The following LRBA variants were observed in gnomAD, a reference collection of about 807,000 sequenced individuals.
LRBA encodes lipopolysaccharide-responsive and beige-like anchor protein.
In LRBA, 176 loss-of-function variants were observed where a neutral mutation model predicts 330.0. The ratio of observed to expected loss-of-function variants is 0.53; its 90% CI spans 0.47 to 0.60. The LOEUF is 0.60. Ranked by LOEUF, LRBA falls within the 20% of genes least tolerant of loss-of-function variation. The pLI is 0.00. For missense variants in LRBA, 3,259 were observed against 3,444.8 expected (o/e 0.95, Z 1.35); for synonymous variants, 1,230 against 1,193.0 (o/e 1.03, Z -0.64).
intron 22 of LRBA, among the ~76,000 whole-genome samples, chr4:150,862,187 C>T (rs1434240859): frequency 6.6e-6 from 1 of 152,132 alleles, no homozygotes; most frequent in East Asian, 1.9e-4. Flanking sequence ...TGGGTATATA[C>T]CCAAAGGATT....
chr4:150,729,118 A>T (rs1439921920), intron 36 of LRBA, among the ~76,000 whole-genome samples: 1 of 152,124 alleles, frequency 6.6e-6, no homozygotes, highest in African/African-American at 2.4e-5. Flanking sequence ...CAGGAGTTCG[A>T]GACCAGCTGG....
intron 36 of LRBA, among the ~76,000 whole-genome samples, chr4:150,734,127 T>C (rs1582183859): frequency 6.6e-6 from 1 of 152,242 alleles, no homozygotes; most frequent in African/African-American, 2.4e-5. Flanking sequence ...TTGTATTGTT[T>C]TCTTATATAA....
chr4:150,676,363 C>T (rs898502429), intron 37 of LRBA, among the ~76,000 whole-genome samples: 3 of 152,092 alleles, frequency 2.0e-5, no homozygotes, highest in African/African-American at 4.8e-5. Context: ...TCTATTTCCC[C>T]TATTAGAGAA....
At chr4:150,483,407 GT>G (rs572189580) in intron 42 of LRBA, among the ~76,000 whole-genome samples, 2 of 149,230 alleles carry the variant, frequency 1.3e-5, no homozygotes, top group South Asian at 2.1e-4. Flanking sequence ...TAAGTCTTTT[GT>G]TTTTTTTTCT....
At chr4:150,638,274 G>C (rs564306962) in intron 37 of LRBA, among the ~76,000 whole-genome samples, 1 of 152,074 alleles carries the variant, frequency 6.6e-6, no homozygotes, top group East Asian at 1.9e-4. Context: ...TGATCCACCC[G>C]CCTCAGCCTA....
intron 36 of LRBA, among the ~76,000 whole-genome samples, chr4:150,702,072 A>T (rs1785176225): frequency 6.6e-6 from 1 of 152,214 alleles, no homozygotes; most frequent in Non-Finnish European, 1.5e-5. Context: ...AGAAGAAAAG[A>T]CAAACAGGAA....
chr4:150,438,367 C>T (rs192945029), intron 44 of LRBA, among the ~76,000 whole-genome samples: 1 of 152,050 alleles, frequency 6.6e-6, no homozygotes, highest in Non-Finnish European at 1.5e-5. Flanking sequence ...CCTGTAATCC[C>T]AGCTACTCGG....
intron 42 of LRBA, among the ~76,000 whole-genome samples, chr4:150,477,768 C>T (rs1298939372): frequency 6.6e-6 from 1 of 151,866 alleles, no homozygotes; most frequent in African/African-American, 2.4e-5. Flanking sequence ...CCCCCCTCCC[C>T]GCTTCTTCCT....
At chr4:150,611,339 G>A (rs898287753) in intron 37 of LRBA, among the ~76,000 whole-genome samples, 2 of 152,104 alleles carry the variant, frequency 1.3e-5, no homozygotes, top group African/African-American at 2.4e-5. Flanking sequence ...GAAGAATTGA[G>A]GCCCAGAAGG....
chr4:150,500,310 T>A (rs1760100369), intron 40 of LRBA, among the ~76,000 whole-genome samples: 1 of 151,128 alleles, frequency 6.6e-6, no homozygotes, highest in Admixed American at 6.6e-5. Flanking sequence ...CGCCGGGGCT[T>A]ATGTCTGTAA....
chr4:150,673,060 G>C (rs956215594), intron 37 of LRBA, among the ~76,000 whole-genome samples: 1 of 152,118 alleles, frequency 6.6e-6, no homozygotes, highest in Non-Finnish European at 1.5e-5. Flanking sequence ...GGCTTTGCCA[G>C]AAAACCAGTT....
At chr4:150,935,577 A>G (rs916137673) in intron 2 of LRBA, among the ~76,000 whole-genome samples, 5 of 152,062 alleles carry the variant, frequency 3.3e-5, no homozygotes, top group Admixed American at 3.3e-4. Context: ...ATTACCATTA[A>G]AATTCCAATA....
chr4:150,290,631 T>C (rs1248673283), intron 53 of LRBA, among the ~76,000 whole-genome samples: 2 of 152,166 alleles, frequency 1.3e-5, no homozygotes, highest in East Asian at 3.8e-4. Context: ...GCTTGAGCAA[T>C]TACTTCAAAG....
At chr4:150,958,844 T>C (rs950886852) in intron 2 of LRBA, among the ~76,000 whole-genome samples, 1 of 149,244 alleles carries the variant, frequency 6.7e-6, no homozygotes. Flanking sequence ...CACCTCAGCC[T>C]GGACTTTATC....
At chr4:150,324,937 C>T (rs191075514) in intron 49 of LRBA, among the ~76,000 whole-genome samples, 22 of 152,116 alleles carry the variant, frequency 1.4e-4, no homozygotes, top group African/African-American at 4.8e-4. Flanking sequence ...GAATTTTCCC[C>T]CTGAAATTTC....
intron 36 of LRBA, among the ~76,000 whole-genome samples, chr4:150,685,320 T>A (rs1236897164): frequency 7.1e-6 from 1 of 140,140 alleles, no homozygotes; most frequent in Non-Finnish European, 1.5e-5. Flanking sequence ...AAATTGGTTT[T>A]TTTTGTTCCT....
rs2149682548 is a variant in LRBA, at chr4:151,014,719, G to T, written c.-77C>A. 1 of 948,136 alleles carries T rather than the reference G, an allele frequency of 1.1e-6. No homozygotes were observed. The allele number at this position is 948,136 out of a possible 1,614,324, so 58.7% of individuals were successfully genotyped here. ...TGCACTGGTAATGAGCACAACACAC[G>T]CAATGCAAAACGAAAGGGTCCCTCT... On this transcript the variant is annotated 5_prime_UTR_variant, in exon 2 of 57. Transcript: ENST00000651943.
At chr4:150,462,266 C>A (rs1052721976) in intron 44 of LRBA, among the ~76,000 whole-genome samples, 3 of 151,632 alleles carry the variant, frequency 2.0e-5, no homozygotes, top group African/African-American at 7.2e-5. Context: ...AGAAATCAAC[C>A]TCAAAATTGA....
chr4:150,265,732 G>C lies in LRBA; in HGVS notation c.8549C>G (p.Thr2850Ser). The change falls in exon 57 of 57, where the codon ACC becomes AGC. Residue 2850 changes from threonine to serine, a missense_variant. Transcript: ENST00000651943. ...DFNRWHHEYQ[T>S]RY ...GTACAGCTGTCACCATCAGTAGCGGGTTTGGTATTCATGATGCCACCGGTT... is the reference window on the plus strand; with the variant it reads ...GTACAGCTGTCACCATCAGTAGCGGCTTTGGTATTCATGATGCCACCGGTT... 1 of 1,610,568 alleles carries C rather than the reference G, an allele frequency of 6.2e-7. No homozygotes were observed. Among genetic ancestry groups the C allele is most frequent in the Non-Finnish European group, 8.5e-7 (1 of 1,176,730 alleles).
Sources: gnomAD v4.1 joint callset for allele counts (sites outside exome capture counted in the v4.1 genomes callset) on GRCh38, gnomAD v4.1.1 for gene constraint, MANE v1.5 for transcripts, NCBI Gene and HGNC (gene_info 2026-07-23, HGNC 2026-07-21) for gene names.